PCDHA1: variants seen among roughly 807,000 people sequenced by gnomAD.
PCDHA1 encodes the protein protocadherin alpha 1.
A neutral mutation model predicts 61.3 loss-of-function variants in PCDHA1; 42 were observed. The observed-to-expected ratio is 0.69, with a 90% confidence interval of 0.54 to 0.89. The LOEUF (loss-of-function observed/expected upper bound fraction) is 0.89, where lower values mean the gene tolerates loss of function less well. Among genes scored for constraint, PCDHA1 ranks in the 40% least tolerant of loss-of-function variants. PCDHA1 has a pLI of 0.00. For synonymous variants in PCDHA1, 610 were observed against 553.8 expected (o/e 1.10, Z -1.43); for missense variants, 1,256 against 1,235.3 (o/e 1.02, Z -0.25).
intron 1 of PCDHA1, among the ~76,000 whole-genome samples, chr5:140,936,452 T>C (rs1447343887): frequency 2.0e-5 from 3 of 152,216 alleles, no homozygotes; most frequent in African/African-American, 7.2e-5. Flanking sequence ...ACCACATCTG[T>C]TTAGTGGTTG....
At chr5:140,857,887 G>A (rs2044983684) in intron 1 of PCDHA1, 6 of 1,597,818 alleles carry the variant, frequency 3.8e-6, no homozygotes, top group Middle Eastern at 1.7e-4. Flanking sequence ...TGCAGTCGGC[G>A]GCGGTTGGTG....
intron 1 of PCDHA1, among the ~76,000 whole-genome samples, chr5:140,931,209 A>G (rs1554208285): frequency 6.6e-6 from 1 of 152,184 alleles, no homozygotes; most frequent in African/African-American, 2.4e-5. Flanking sequence ...CTAGTATTTC[A>G]GGTATCAGAG....
rs114173550 is a variant in PCDHA1, at chr5:140,996,928, G to T, written c.2543-12699G>T. Among the ~76,000 whole-genome samples the T allele has an allele frequency of 1.8e-3, 279 of 152,148 alleles. 1 individual carries two copies. Among genetic ancestry groups the T allele is most frequent in the Non-Finnish European group, 3.0e-3 (203 of 67,996 alleles). ...GTTGAAGTAAATATTAAAAAATATA[G>T]CATTTTTGCATAGAAATATTTATTT... On this transcript the variant is annotated intron_variant, in intron 3 of 3. Coordinates refer to ENST00000504120, the MANE Select transcript of PCDHA1 (RefSeq NM_018900.4).
chr5:140,828,962 G>A, intron 1 of PCDHA1: 1 of 1,614,220 alleles, frequency 6.2e-7, no homozygotes, highest in Non-Finnish European at 8.5e-7. Context: ...CATGGTTATT[G>A]ACCACTTTAG....
chr5:140,797,160 C>T, intron 1 of PCDHA1: 1 of 1,613,978 alleles, frequency 6.2e-7, no homozygotes, highest in Non-Finnish European at 8.5e-7. Flanking sequence ...AGGGTGCGCG[C>T]GCGCCAGGAA....
chr5:140,904,328 C>T (rs1469107868), intron 1 of PCDHA1, among the ~76,000 whole-genome samples: 2 of 151,958 alleles, frequency 1.3e-5, no homozygotes, highest in South Asian at 2.1e-4. Flanking sequence ...ATAATGGTCT[C>T]CAGTTCCATC....
At chr5:140,997,456 C>T (rs2097770717) in intron 3 of PCDHA1, among the ~76,000 whole-genome samples, 1 of 152,146 alleles carries the variant, frequency 6.6e-6, no homozygotes, top group African/African-American at 2.4e-5. Context: ...ATACTGAATA[C>T]TGTAGGCAAT....
intron 1 of PCDHA1, among the ~76,000 whole-genome samples, chr5:140,941,223 C>CTT (rs1276732463): frequency 3.0e-5 from 4 of 132,446 alleles, no homozygotes; most frequent in African/African-American, 1.2e-4. Context: ...TCCTTTCTTT[C>CTT]TTTCTTTCTT....
chr5:140,937,322 C>T (rs2091472402), intron 1 of PCDHA1, among the ~76,000 whole-genome samples: 1 of 152,084 alleles, frequency 6.6e-6, no homozygotes, highest in Non-Finnish European at 1.5e-5. Context: ...CAGGCGTGAG[C>T]CACCGCGCCC....
chr5:140,910,976 A>G (rs1265082758), intron 1 of PCDHA1, among the ~76,000 whole-genome samples: 1 of 152,058 alleles, frequency 6.6e-6, no homozygotes, highest in Non-Finnish European at 1.5e-5. Context: ...CTCATGGGTT[A>G]TACTCTGAAC....
At chr5:140,920,749 C>T (rs145619239) in intron 1 of PCDHA1, among the ~76,000 whole-genome samples, 2 of 151,424 alleles carry the variant, frequency 1.3e-5, no homozygotes, top group Non-Finnish European at 2.9e-5. Context: ...GAGGCTGAGG[C>T]AGGAGAATTG....
chr5:140,891,912 T>C (rs2063306720), intron 1 of PCDHA1, among the ~76,000 whole-genome samples: 1 of 152,244 alleles, frequency 6.6e-6, no homozygotes, highest in Admixed American at 6.5e-5. Context: ...CTTCACCAGA[T>C]GCTGGTGCCT....
chr5:140,795,220 G>A, intron 1 of PCDHA1: 2 of 1,614,236 alleles, frequency 1.2e-6, no homozygotes, highest in Non-Finnish European at 8.5e-7. Flanking sequence ...CATTTTGTTT[G>A]TGAATTCTCG....
In PCDHA1 at chr5:140,786,603, C is replaced by A. The variant is rs781944284; in HGVS notation, c.313C>A (p.His105Asn). ...CCAGTGGAGCGCGGAGTGCAGCATC[C>A]ACCTGGAGTTGATCGCCGACAGGCC... ...LCQWSAECSI[H>N]LELIADRPLQ... is the part of the protein sequence containing the mutation. The change falls in exon 1 of 4, where the codon CAC (histidine) becomes AAC (asparagine). Residue 105 changes from histidine to asparagine, a missense_variant. By Grantham distance (68) the His-to-Asn change is moderately conservative (BLOSUM62 1). Coordinates refer to ENST00000504120, the MANE Select transcript of PCDHA1 (RefSeq NM_018900.4). 8 of 1,614,246 alleles carry A rather than the reference C, an allele frequency of 5.0e-6. No homozygotes were observed. Among genetic ancestry groups the A allele is most frequent in the Non-Finnish European group, 6.8e-6 (8 of 1,180,046 alleles).
At chr5:140,806,378 C>T (rs1685025391) in intron 1 of PCDHA1, among the ~76,000 whole-genome samples, 1 of 152,144 alleles carries the variant, frequency 6.6e-6, no homozygotes, top group Non-Finnish European at 1.5e-5. Flanking sequence ...ATGAGAATAC[C>T]AGCGTTTCTC....
At chr5:140,910,690 G>T (rs2153515620) in intron 1 of PCDHA1, among the ~76,000 whole-genome samples, 1 of 152,224 alleles carries the variant, frequency 6.6e-6, no homozygotes, top group African/African-American at 2.4e-5. Context: ...GGCATTTCCA[G>T]CTTGCTCACA....
At position 140,883,390 on chromosome 5, in the gene PCDHA1, G is replaced by A. The variant is rs373348994; in HGVS notation, c.2394+94706G>A. The A allele has an allele frequency of 2.5e-6, 4 of 1,614,050 alleles. No homozygotes were observed. The African/African-American group carries it at 5.3e-5, about 22-fold the overall frequency. ...GCGCCATTATTGCCCTAATCAGTGT[G>A]TCCGATCGTGACTCTGGCTCAAATG... is the stretch of plus-strand genomic sequence containing the variant. On this transcript the variant is annotated intron_variant, in intron 1 of 3. Coordinates refer to ENST00000504120, the MANE Select transcript of PCDHA1 (RefSeq NM_018900.4).
intron 1 of PCDHA1, chr5:140,822,400 T>G (rs1554128617): frequency 2.5e-6 from 4 of 1,613,968 alleles, no homozygotes; most frequent in Non-Finnish European, 3.4e-6. Context: ...AGAACACCGT[T>G]TATTAGTGAT....
At chr5:141,008,512 C>A (rs1006553111) in intron 3 of PCDHA1, among the ~76,000 whole-genome samples, 2 of 152,094 alleles carry the variant, frequency 1.3e-5, no homozygotes, top group Non-Finnish European at 2.9e-5. Context: ...GGTGTGTCTT[C>A]CAATCAGACT....
Sources: allele counts gnomAD v4.1 joint callset (sites outside exome capture counted in the v4.1 genomes callset), GRCh38; gene constraint gnomAD v4.1.1; transcripts MANE v1.5; gene names NCBI Gene and HGNC (gene_info 2026-07-23, HGNC 2026-07-21).